LTF: variants seen among roughly 807,000 people sequenced by gnomAD.
The protein encoded by LTF is lactotransferrin.
In LTF, 91 loss-of-function variants were observed where a neutral mutation model predicts 87.2. That is an observed-to-expected ratio of 1.04 (90% CI 0.88 to 1.24). The LOEUF (loss-of-function observed/expected upper bound fraction) is 1.24. LTF is among the 50% of genes most tolerant of loss of function. The pLI is 0.00. For synonymous variants in LTF, 378 were observed against 356.1 expected, an observed-to-expected ratio of 1.06 and a Z score of -0.69; for missense variants, 901 against 904.3, an observed-to-expected ratio of 1.00 and a Z score of 0.05.
At chr3:46,456,025 G>T in intron 3 of LTF, 47 bp from the exon 4 acceptor site, 1 of 1,484,956 alleles carries the variant, frequency 6.7e-7, no homozygotes, top group Non-Finnish European at 9.0e-7. Context: ...TGGACAAGAG[G>T]GACAAAAACA....
At chr3:46,472,069 C>A (rs1309717017) in intron 1 of LTF, among the ~76,000 whole-genome samples, 3 of 152,052 alleles carry the variant, frequency 2.0e-5, no homozygotes, top group Non-Finnish European at 4.4e-5. Context: ...TTTCCAGCGA[C>A]CCTCCTCCCT....
chr3:46,455,220 G>A (rs1020155876), intron 5 of LTF, 75 bp downstream of exon 5: 6 of 1,580,180 alleles, frequency 3.8e-6, no homozygotes, highest in Non-Finnish European at 5.2e-6. Context: ...CTCTATGTGG[G>A]GCCAGAGAAA....
At position 46,439,295 on chromosome 3, in the gene LTF, C is replaced by A; in HGVS notation, c.1908+1G>T. The A allele has an allele frequency of 6.2e-7, 1 of 1,609,078 alleles. No homozygotes were observed. The highest frequency in any genetic ancestry group is 1.1e-5 in the South Asian group (1 of 90,186). On this transcript the variant is annotated splice_donor_variant, in intron 15 of 16. Transcript: ENST00000231751. LOFTEE classifies it high-confidence loss of function. ...AGCACTAGAAGCCCTGTGGTCCATA[C>A]CTGTTGGTGGAGCAACACCTGTTTC...
intron 1 of LTF, among the ~76,000 whole-genome samples, chr3:46,472,489 TG>T (rs1703305133): frequency 5.4e-5 from 1 of 18,414 alleles, no homozygotes; most frequent in Non-Finnish European, 8.2e-5. Context: ...AAAAGATTAT[TG>T]TGTGTGTGTG....
chr3:46,449,501 G>A (rs1702743957), intron 8 of LTF, among the ~76,000 whole-genome samples: 1 of 152,154 alleles, frequency 6.6e-6, no homozygotes, highest in Non-Finnish European at 1.5e-5. Flanking sequence ...CCACCATGGT[G>A]TCCCCAACTA....
At chr3:46,468,142 A>G (rs1703238506), upstream of LTF, 1 of 454,580 alleles carries the variant, frequency 2.2e-6, no homozygotes, top group Non-Finnish European at 4.4e-6. Flanking sequence ...CAGGCTAAGA[A>G]AGGGACAAAG....
rs10653871 is a variant in LTF at position 46,448,368 on chromosome 3, TA to T, written c.1212+494del. On this transcript the variant is annotated intron_variant, in intron 9 of 16. Transcript: ENST00000231751. ...GGTGACAGATCAAGAATCTGTCTCT[TA>T]AAAAAAAAAAAATTAATGCTTTCCA... Among the ~76,000 whole-genome samples the T allele has an allele frequency of 5.6e-3, 838 of 148,884 alleles. 9 individuals carry two copies. Among genetic ancestry groups the T allele is most frequent in the African/African-American group, 0.017 (678 of 40,546 alleles).
At chr3:46,448,216 A>G (rs193237759) in intron 9 of LTF, among the ~76,000 whole-genome samples, 1 of 151,998 alleles carries the variant, frequency 6.6e-6, no homozygotes, top group Admixed American at 6.6e-5. Context: ...TAATAATAAT[A>G]ATTATGCAGG....
chr3:46,470,698 G>A (rs368400861), intron 1 of LTF, among the ~76,000 whole-genome samples: 5 of 152,148 alleles, frequency 3.3e-5, no homozygotes, highest in African/African-American at 4.8e-5. Context: ...CTGGGCAGAC[G>A]GGAAGGCATG....
chr3:46,457,751 T>C (rs965621944), intron 2 of LTF, among the ~76,000 whole-genome samples: 1 of 152,202 alleles, frequency 6.6e-6, no homozygotes, highest in African/African-American at 2.4e-5. Flanking sequence ...TCATTTTTCT[T>C]CTATGATTCT....
chr3:46,450,959 C>G (rs889676209), intron 6 of LTF, among the ~76,000 whole-genome samples: 1 of 152,186 alleles, frequency 6.6e-6, no homozygotes, highest in African/African-American at 2.4e-5. Context: ...AAACCAGACC[C>G]GTCTGTTTCT....
intron 1 of LTF, among the ~76,000 whole-genome samples, chr3:46,484,230 G>C (rs1387649160): frequency 1.3e-5 from 2 of 152,190 alleles, no homozygotes; most frequent in Non-Finnish European, 2.9e-5. Flanking sequence ...TAGTGGCATA[G>C]GTGTTTGAGC....
chr3:46,438,240 G>A (rs1559590442), intron 15 of LTF, 111 bp from the exon 16 acceptor site: 1 of 876,862 alleles, frequency 1.1e-6, no homozygotes, highest in East Asian at 2.4e-5. Flanking sequence ...AAACCATGGG[G>A]CAGAAGGAGC....
At chr3:46,482,105 G>A (rs926126457) in intron 1 of LTF, among the ~76,000 whole-genome samples, 1 of 151,704 alleles carries the variant, frequency 6.6e-6, no homozygotes, top group African/African-American at 2.4e-5. Context: ...CTTTTTATGC[G>A]ACTCACAATG....
At chr3:46,469,844 A>G (rs543241388), upstream of LTF, among the ~76,000 whole-genome samples, 4 of 152,136 alleles carry the variant, frequency 2.6e-5, no homozygotes, top group Non-Finnish European at 4.4e-5. Context: ...AGGCAGGAAA[A>G]CAGTGGCTTC....
intron 1 of LTF, among the ~76,000 whole-genome samples, chr3:46,471,320 ATC>A (rs1166792187): frequency 1.3e-5 from 2 of 151,556 alleles, no homozygotes; most frequent in African/African-American, 4.9e-5. Context: ...CTCCCTCTCT[ATC>A]TCTCTGTCTC....
In LTF at chr3:46,436,245, G is replaced by A; in HGVS notation, c.2099-16C>T. ...TCCAGGAGGGCTGTGGGACACAACAGAGCAAGAGATTCAGAAACTGATTTC... is the reference window on the plus strand; with the variant it reads ...TCCAGGAGGGCTGTGGGACACAACAAAGCAAGAGATTCAGAAACTGATTTC... On this transcript the variant is annotated splice_polypyrimidine_tract_variant and intron_variant, in intron 16 of 16. Transcript: ENST00000231751. The A allele has an allele frequency of 6.2e-7, 1 of 1,612,798 alleles. No individual in the cohort carries two copies. The highest frequency in any genetic ancestry group is 1.3e-5 in the African/African-American group (1 of 75,026).
intron 6 of LTF, 193 bp downstream of exon 6, chr3:46,454,112 G>C: frequency 3.3e-6 from 2 of 603,474 alleles, no homozygotes; most frequent in South Asian, 4.0e-5. Flanking sequence ...GGAAGAGAAA[G>C]GCAGTAGGCA....
At chr3:46,462,031 A>G (rs1018615113) in intron 1 of LTF, among the ~76,000 whole-genome samples, 1 of 152,134 alleles carries the variant, frequency 6.6e-6, no homozygotes, top group African/African-American at 2.4e-5. Flanking sequence ...CCTAGCTGCC[A>G]TACTCCCCCT....
Sources: allele counts gnomAD v4.1 joint callset (sites outside exome capture counted in the v4.1 genomes callset), GRCh38; gene constraint gnomAD v4.1.1; transcripts MANE v1.5; gene names NCBI Gene and HGNC (gene_info 2026-07-23, HGNC 2026-07-21).